MYL2: variants seen among roughly 807,000 people sequenced by gnomAD.
The protein encoded by MYL2 is myosin light chain 2.
Under a neutral mutation model 23.0 loss-of-function variants are expected in MYL2, and 19 were observed. The ratio of observed to expected loss-of-function variants is 0.83; its 90% confidence interval spans 0.58 to 1.21. The LOEUF is 1.21. Among genes scored for constraint, MYL2 ranks in the 50% most tolerant of loss-of-function variants. The probability of loss-of-function intolerance (pLI) is 0.00; values close to 1 mark genes in which losing one functional copy is unlikely to be tolerated. For missense variants in MYL2, 180 were observed against 215.1 expected (o/e 0.84, Z 1.02); for synonymous variants, 78 against 76.2 (o/e 1.02, Z -0.13).
chr12:110,910,997 G>T lies in MYL2; in HGVS notation c.*80C>A. On this transcript the variant is annotated 3_prime_UTR_variant, in exon 7 of 7. Coordinates refer to ENST00000228841, the MANE Select transcript of MYL2 (RefSeq NM_000432.4). ...ATGGCTAACAGACAAGGTAGGGACAGAGGCGGTACTCGGGGGAGAGAGATG... is the reference window on the plus strand; with the variant it reads ...ATGGCTAACAGACAAGGTAGGGACATAGGCGGTACTCGGGGGAGAGAGATG... 1 of 1,264,378 alleles carries T rather than the reference G, an allele frequency of 7.9e-7. No homozygotes were observed. Among genetic ancestry groups the T allele is most frequent in the Non-Finnish European group, 1.2e-6 (1 of 862,534 alleles). The allele number at this position is 1,264,378 out of a possible 1,614,324, so 78.3% of individuals were successfully genotyped here.
chr12:110,914,321 C>T (rs377275311), intron 3 of MYL2, 31 bp from the exon 4 acceptor site: 11 of 1,510,366 alleles, frequency 7.3e-6, no homozygotes, highest in Non-Finnish European at 8.3e-6. Context: ...TCAGGGACTC[C>T]GAGCTGGGGA....
intron 2 of MYL2, 89 bp downstream of exon 2, chr12:110,919,015 G>A: frequency 1.6e-6 from 2 of 1,221,998 alleles, no homozygotes; most frequent in Non-Finnish European, 2.4e-6. Flanking sequence ...TCTAATGAAA[G>A]GTCCCTGCTG....
At chr12:110,913,196 G>A in intron 5 of MYL2, 50 bp downstream of exon 5, 1 of 1,610,300 alleles carries the variant, frequency 6.2e-7, no homozygotes, top group Non-Finnish European at 8.5e-7. Flanking sequence ...GTGTAGGGGG[G>A]ACAGGGGGCA....
In MYL2 at chr12:110,916,236, C is replaced by T. The variant is rs148319048; in HGVS notation, c.94-446G>A. ...CTGTAATCCTAGCTACTTGGGAGGC[C>T]GAGGTAGGAGAATTGCTTGAACCCA... On this transcript the variant is annotated intron_variant, in intron 2 of 6. Coordinates refer to ENST00000228841, the MANE Select transcript of MYL2 (RefSeq NM_000432.4). Among the ~76,000 whole-genome samples the T allele has an allele frequency of 1.6e-3, 238 of 152,150 alleles. 1 individual carries two copies. The highest frequency in any genetic ancestry group is 5.5e-3 in the African/African-American group (227 of 41,492).
chr12:110,911,216 GGAACTGAGACGGAGGGTGGGGGGCTGT>G, intron 6 of MYL2, 41 bp from the exon 7 acceptor site: 1 of 1,127,374 alleles, frequency 8.9e-7, no homozygotes, highest in Non-Finnish European at 1.3e-6. Context: ...CGAGGGGAGG[GGAACTGAGACGGAGGGTGGGGGGCTGT>G]GGGCGGGGCC....
intron 2 of MYL2, among the ~76,000 whole-genome samples, chr12:110,916,823 T>C (rs2071690375): frequency 6.6e-6 from 1 of 152,126 alleles, no homozygotes; most frequent in South Asian, 2.1e-4. Context: ...GGTATGCAAA[T>C]TATAACTCTA....
At chr12:110,914,977 T>G (rs2071679318) in intron 3 of MYL2, among the ~76,000 whole-genome samples, 2 of 152,226 alleles carry the variant, frequency 1.3e-5, no homozygotes, top group Admixed American at 1.3e-4. Flanking sequence ...CTTTTACAAG[T>G]TAAACCTGCT....
intron 1 of MYL2, 86 bp from the exon 2 acceptor site, chr12:110,919,279 C>A: frequency 9.0e-7 from 1 of 1,108,286 alleles, no homozygotes; most frequent in South Asian, 1.3e-5. Flanking sequence ...GTGTTCATCT[C>A]TGTTGCAGGG....
intron 4 of MYL2, among the ~76,000 whole-genome samples, chr12:110,913,577 G>A (rs1342389673): frequency 6.6e-6 from 1 of 152,216 alleles, no homozygotes; most frequent in African/African-American, 2.4e-5. Flanking sequence ...TGCTAGCCAT[G>A]TGGCCTCAGA....
chr12:110,915,959 G>C lies in MYL2; in HGVS notation c.94-169C>G, dbSNP rs183919685. The stretch of plus-strand genomic sequence containing the variant: ...GATAATCCAACAGTTTCTTCAAAAC[G>C]TCAGGCCTCGTGTTATCATATGACC... On this transcript the variant is annotated intron_variant, in intron 2 of 6. Coordinates refer to ENST00000228841, the MANE Select transcript of MYL2 (RefSeq NM_000432.4). Among the ~76,000 whole-genome samples the C allele has an allele frequency of 8.3e-3, 1,270 of 152,292 alleles. 13 individuals are homozygous for C. The highest frequency in any genetic ancestry group is 0.029 in the African/African-American group (1,223 of 41,550).
At chr12:110,916,209 G>A (rs1592801265) in intron 2 of MYL2, among the ~76,000 whole-genome samples, 1 of 152,208 alleles carries the variant, frequency 6.6e-6, no homozygotes, top group Non-Finnish European at 1.5e-5. Flanking sequence ...GGTGGCGCAT[G>A]CCTGTAATCC....
chr12:110,919,102 ACCTCCTTAAATT>A lies in MYL2; in HGVS notation c.83_93+1del, dbSNP rs1490618460. 1.2e-6 allele frequency: 2 copies of A among 1,613,212 alleles called. No individual in the cohort carries two copies. The highest frequency in any genetic ancestry group is 1.3e-5 in the African/African-American group (1 of 74,764). On this transcript the variant is annotated splice_donor_variant and coding_sequence_variant, in exon 2 of 7. Coordinates refer to ENST00000228841, the MANE Select transcript of MYL2 (RefSeq NM_000432.4). LOFTEE classifies it high-confidence loss of function. ...GGCGGATGATTCAATAGCTGCACCC[ACCTCCTTAAATT>A]CCTGGATTTGGGTCTGTTCGAACAT... is the stretch of plus-strand genomic sequence containing the variant.
In MYL2 at chr12:110,920,445, C is replaced by A. The variant is rs1315448249; in HGVS notation, c.3+82G>T. 8.1e-6 allele frequency: 13 copies of A among 1,605,954 alleles called. No individual in the cohort carries two copies. The East Asian group carries it at 1.3e-4, about 17-fold the overall frequency. ...AGGCTTTGAGGGCCGCCTTCCTCCC[C>A]CTCCGCCGTGGTCCCTCGCTTGTAG... On this transcript the variant is annotated intron_variant, in intron 1 of 6. Transcript: ENST00000228841.
At chr12:110,920,591 G>C, upstream of MYL2, 1 of 1,613,026 alleles carries the variant, frequency 6.2e-7, no homozygotes, top group South Asian at 1.1e-5. Flanking sequence ...GCTCTCTGCA[G>C]CCCAGGAACA....
intron 3 of MYL2, 108 bp downstream of exon 3, chr12:110,915,607 T>G: frequency 1.7e-6 from 2 of 1,166,574 alleles, no homozygotes; most frequent in Non-Finnish European, 1.3e-6. Context: ...GCAGAGTTGT[T>G]TCTTTGGGAA....
intron 3 of MYL2, among the ~76,000 whole-genome samples, chr12:110,915,087 T>C (rs2071680235): frequency 6.6e-6 from 1 of 152,212 alleles, no homozygotes; most frequent in African/African-American, 2.4e-5. Flanking sequence ...TAAGCCAATG[T>C]ATGTTTTAAG....
chr12:110,914,320 C>G (rs2136772460), intron 3 of MYL2, 30 bp from the exon 4 acceptor site: 2 of 1,518,572 alleles, frequency 1.3e-6, no homozygotes, highest in East Asian at 4.5e-5. Context: ...CTCAGGGACT[C>G]CGAGCTGGGG....
intron 3 of MYL2, 33 bp from the exon 4 acceptor site, chr12:110,914,323 A>T: frequency 6.7e-7 from 1 of 1,501,394 alleles, no homozygotes; most frequent in Non-Finnish European, 9.3e-7. Flanking sequence ...AGGGACTCCG[A>T]GCTGGGGAGA....
At chr12:110,921,093 T>C (rs543717081), upstream of MYL2, among the ~76,000 whole-genome samples, 1 of 152,342 alleles carries the variant, frequency 6.6e-6, no homozygotes, top group South Asian at 2.1e-4. Flanking sequence ...GCACTGTGGC[T>C]CATGCCTGAA....
Sources: gnomAD v4.1 joint callset for allele counts (sites outside exome capture counted in the v4.1 genomes callset) on GRCh38, gnomAD v4.1.1 for gene constraint, MANE v1.5 for transcripts, NCBI Gene and HGNC (gene_info 2026-07-23, HGNC 2026-07-21) for gene names.